Variants in TRPS1 observed in about 807,000 individuals in gnomAD.
TRPS1 encodes the protein transcriptional repressor GATA binding 1, also known as zinc finger transcription factor Trps1.
A neutral mutation model predicts 101.2 loss-of-function variants in TRPS1; 6 were observed. The ratio of observed to expected loss-of-function variants is 0.06; its 90% confidence interval spans 0.03 to 0.12. The LOEUF (loss-of-function observed/expected upper bound fraction) is 0.12, where lower values mean the gene tolerates loss of function less well. Among genes scored for constraint, TRPS1 ranks in the 10% least tolerant of loss-of-function variants. The pLI, the probability that TRPS1 is intolerant of heterozygous loss-of-function variation, is 1.00. For synonymous variants in TRPS1, 578 were observed against 589.8 expected (o/e 0.98, Z 0.29); for missense variants, 1,363 against 1,567.0 (o/e 0.87, Z 2.20).
At chr8:115,554,360 C>T (rs535989782) in intron 5 of TRPS1, among the ~76,000 whole-genome samples, 1 of 152,258 alleles carries the variant, frequency 6.6e-6, no homozygotes, top group South Asian at 2.1e-4. Context: ...CAGGCCCTAC[C>T]TAGGGCCCCA....
At chr8:115,662,610 A>G (rs998350047) in intron 1 of TRPS1, among the ~76,000 whole-genome samples, 3 of 151,814 alleles carry the variant, frequency 2.0e-5, no homozygotes, top group Non-Finnish European at 4.4e-5. Flanking sequence ...CCTGATGTCA[A>G]TCAACATCAC....
At chr8:115,474,250 CTGTTA>C (rs1224659480) in intron 5 of TRPS1, among the ~76,000 whole-genome samples, 5 of 152,034 alleles carry the variant, frequency 3.3e-5, no homozygotes, top group African/African-American at 7.2e-5. Context: ...GCAGAGTTTT[CTGTTA>C]TATTTACTGA....
chr8:115,535,254 C>CAT (rs368747443), intron 5 of TRPS1, among the ~76,000 whole-genome samples: 14 of 33,062 alleles, frequency 4.2e-4, no homozygotes, highest in African/African-American at 1.8e-3. Flanking sequence ...GCATATATAG[C>CAT]ATATATATAG....
chr8:115,645,148 T>C (rs1045923605), intron 1 of TRPS1, among the ~76,000 whole-genome samples: 1 of 152,172 alleles, frequency 6.6e-6, no homozygotes, highest in Non-Finnish European at 1.5e-5. Context: ...CACAAATCTT[T>C]ATTTATAAAA....
At position 115,524,319 on chromosome 8, in the gene TRPS1, CTTTTTTTT is replaced by C. The variant is rs139406462; in HGVS notation, c.2700+62674_2700+62681del. Among the ~76,000 whole-genome samples, 6 of 70,718 alleles carry C rather than the reference CTTTTTTTT, an allele frequency of 8.5e-5. No individual in the cohort carries two copies. In the East Asian group the frequency reaches 2.2e-3, roughly 26 times the overall value. 46.4% of individuals were successfully genotyped at this position (70,718 alleles called of 152,430 possible). A position where few individuals can be genotyped will look rare whatever the true frequency, so the allele number is the denominator to read the frequency against. ...TTTTCTTTGCATTTTCTTCTTCTTC[CTTTTTTTT>C]TTTTTTTTTTTTTTTTGGCATCTTG... is the stretch of plus-strand genomic sequence containing the variant. On this transcript the variant is annotated intron_variant, in intron 5 of 6. Transcript: ENST00000395715.
At chr8:115,624,973 C>T (rs891982778) in intron 1 of TRPS1, among the ~76,000 whole-genome samples, 2 of 151,544 alleles carry the variant, frequency 1.3e-5, no homozygotes, top group Non-Finnish European at 1.5e-5. Context: ...TATATACATG[C>T]ATACATTTAA....
intron 5 of TRPS1, among the ~76,000 whole-genome samples, chr8:115,487,564 C>T (rs1814915181): frequency 6.6e-6 from 1 of 152,062 alleles, no homozygotes; most frequent in Non-Finnish European, 1.5e-5. Context: ...ATTCGTAATT[C>T]GTGGGAGGAG....
intron 5 of TRPS1, among the ~76,000 whole-genome samples, chr8:115,526,017 T>C (rs1815987325): frequency 6.6e-6 from 1 of 152,162 alleles, no homozygotes; most frequent in Non-Finnish European, 1.5e-5. Context: ...GCAAAGATTT[T>C]ACACTGTGGG....
intron 5 of TRPS1, among the ~76,000 whole-genome samples, chr8:115,455,775 C>CTTTCTTTTTTTTTTT: frequency 8.3e-6 from 1 of 119,992 alleles, no homozygotes; most frequent in African/African-American, 3.4e-5. Flanking sequence ...TTCTTTCTTT[C>CTTTCTTTTTTTTTTT]TTTTTTTTTT....
At chr8:115,544,054 T>C (rs894291809) in intron 5 of TRPS1, among the ~76,000 whole-genome samples, 8 of 151,638 alleles carry the variant, frequency 5.3e-5, no homozygotes, top group Non-Finnish European at 7.4e-5. Flanking sequence ...AATCCTCCTA[T>C]CAAGAAATGT....
At chr8:115,498,022 G>T (rs2130129328) in intron 5 of TRPS1, among the ~76,000 whole-genome samples, 1 of 152,186 alleles carries the variant, frequency 6.6e-6, no homozygotes, top group South Asian at 2.1e-4. Flanking sequence ...GAAAAACAAT[G>T]GACAGGTGTA....
At chr8:115,498,652 G>A (rs1326722201) in intron 5 of TRPS1, among the ~76,000 whole-genome samples, 1 of 151,734 alleles carries the variant, frequency 6.6e-6, no homozygotes, top group African/African-American at 2.4e-5. Flanking sequence ...AAAATTTAAT[G>A]TATTTGAAAG....
At chr8:115,616,437 T>C (rs1164427239) in intron 3 of TRPS1, among the ~76,000 whole-genome samples, 12 of 152,134 alleles carry the variant, frequency 7.9e-5, no homozygotes. Context: ...CTCAAGTCCA[T>C]TCAAATTATT....
chr8:115,665,214 C>T (rs1272519573), intron 1 of TRPS1, among the ~76,000 whole-genome samples: 6 of 152,116 alleles, frequency 3.9e-5, no homozygotes, highest in Non-Finnish European at 8.8e-5. Context: ...CAATTTGCTG[C>T]AAGTCCTCTG....
intron 1 of TRPS1, among the ~76,000 whole-genome samples, chr8:115,633,089 A>T (rs1325136930): frequency 6.6e-6 from 1 of 152,154 alleles, no homozygotes; most frequent in Non-Finnish European, 1.5e-5. Context: ...GAGCAAATCA[A>T]GCAATCCAAT....
At chr8:115,573,138 A>G (rs1048498280) in intron 5 of TRPS1, among the ~76,000 whole-genome samples, 2 of 152,112 alleles carry the variant, frequency 1.3e-5, no homozygotes, top group Non-Finnish European at 2.9e-5. Flanking sequence ...AGAAAAAAAA[A>G]AAAGAATAAA....
intron 5 of TRPS1, among the ~76,000 whole-genome samples, chr8:115,477,470 T>C (rs1392786548): frequency 6.6e-6 from 1 of 152,194 alleles, no homozygotes; most frequent in African/African-American, 2.4e-5. Flanking sequence ...CTTGTAGGAA[T>C]TTCTAAACTA....
intron 5 of TRPS1, among the ~76,000 whole-genome samples, chr8:115,446,896 T>C (rs987559493): frequency 6.6e-6 from 1 of 152,166 alleles, no homozygotes; most frequent in Non-Finnish European, 1.5e-5. Context: ...CTTGTTCTAA[T>C]ATGATGATAT....
intron 5 of TRPS1, among the ~76,000 whole-genome samples, chr8:115,510,335 A>G (rs1334240074): frequency 6.6e-6 from 1 of 151,982 alleles, no homozygotes; most frequent in African/African-American, 2.4e-5. Context: ...TCAGTGGCCA[A>G]AGAGCCTTTT....
Sources: allele counts gnomAD v4.1 joint callset (sites outside exome capture counted in the v4.1 genomes callset), GRCh38; gene constraint gnomAD v4.1.1; transcripts MANE v1.5; gene names NCBI Gene and HGNC (gene_info 2026-07-23, HGNC 2026-07-21).